Variants in CCDC134 observed in about 807,000 individuals in gnomAD.
CCDC134 encodes the protein coiled-coil domain containing 134.
Under a neutral mutation model 25.6 loss-of-function variants are expected in CCDC134, and 27 were observed. That is an observed-to-expected ratio of 1.05 (90% CI 0.78 to 1.45). The LOEUF is 1.45. CCDC134 is among the 40% of genes most tolerant of loss of function. The pLI is 0.00. For missense variants in CCDC134, 261 were observed against 286.7 expected (o/e 0.91, Z 0.65); for synonymous variants, 110 against 115.0 (o/e 0.96, Z 0.28).
At chr22:41,812,346 C>T (rs941296179) in intron 4 of CCDC134, among the ~76,000 whole-genome samples, 11 of 150,452 alleles carry the variant, frequency 7.3e-5, no homozygotes, top group Admixed American at 2.7e-4. Context: ...CACTTGAACC[C>T]GCGAGGCGGA....
chr22:41,806,130 A>G (rs2076566223), intron 1 of CCDC134, among the ~76,000 whole-genome samples: 1 of 152,042 alleles, frequency 6.6e-6, no homozygotes, highest in South Asian at 2.1e-4. Context: ...TCTGATTGCA[A>G]ATGCTCTTAG....
chr22:41,821,065 T>C (rs1346645968), intron 6 of CCDC134, among the ~76,000 whole-genome samples: 3 of 152,056 alleles, frequency 2.0e-5, no homozygotes, highest in Non-Finnish European at 4.4e-5. Flanking sequence ...ACCCAAGAGT[T>C]TCCCAGAGGC....
chr22:41,810,499 T>A (rs2076590157), intron 4 of CCDC134, among the ~76,000 whole-genome samples: 1 of 138,788 alleles, frequency 7.2e-6, no homozygotes, highest in Non-Finnish European at 1.6e-5. Flanking sequence ...CTTTTTTTTT[T>A]TTTTTTTTTT....
At chr22:41,818,947 G>A (rs2076635425) in intron 6 of CCDC134, among the ~76,000 whole-genome samples, 1 of 152,180 alleles carries the variant, frequency 6.6e-6, no homozygotes, top group African/African-American at 2.4e-5. Context: ...GCAGGAGGAG[G>A]GTGACAGCAT....
chr22:41,827,570 A>G lies in CCDC134; in HGVS notation c.*1747A>G, dbSNP rs760670701. On this transcript the variant is annotated 3_prime_UTR_variant, in exon 7 of 7. Transcript: ENST00000255784. ...TAGGGACTCAAGGGGCCCGTTACAG[A>G]ATTTTTGGGAGTAAATACCCACTAG... 6.6e-6 allele frequency among the ~76,000 whole-genome samples: 1 copy of G among 152,176 alleles called. No homozygotes were observed. The highest frequency in any genetic ancestry group is 1.5e-5 in the Non-Finnish European group (1 of 68,036).
rs2076688193 is a variant in CCDC134 at position 41,828,105 on chromosome 22, C to G, written c.*2282C>G. Among the ~76,000 whole-genome samples, 1 of 152,138 alleles carries G rather than the reference C, an allele frequency of 6.6e-6. No individual in the cohort carries two copies. The highest frequency in any genetic ancestry group is 2.1e-4 in the South Asian group (1 of 4,832). ...ACTGAATAACTTCTACGGGCTCTGT[C>G]ATTAGCAGGATTTGTATAATTTGAA... On this transcript the variant is annotated 3_prime_UTR_variant, in exon 7 of 7. Coordinates refer to ENST00000255784, the MANE Select transcript of CCDC134 (RefSeq NM_024821.5).
At chr22:41,821,645 G>A (rs903210886) in intron 6 of CCDC134, among the ~76,000 whole-genome samples, 2 of 152,176 alleles carry the variant, frequency 1.3e-5, no homozygotes, top group African/African-American at 4.8e-5. Flanking sequence ...GACCACAGCA[G>A]GCTTGCACTA....
chr22:41,813,066 A>AT (rs1403292607), intron 4 of CCDC134, among the ~76,000 whole-genome samples, 198 bp from the exon 5 acceptor site: 3 of 152,210 alleles, frequency 2.0e-5, no homozygotes, highest in African/African-American at 7.2e-5. Flanking sequence ...AAAAGTGGTT[A>AT]TGAGGACTCA....
At chr22:41,809,640 G>A (rs775604808) in intron 2 of CCDC134, among the ~76,000 whole-genome samples, 12 of 152,188 alleles carry the variant, frequency 7.9e-5, no homozygotes, top group Non-Finnish European at 1.6e-4. Flanking sequence ...GGGAAGGCAG[G>A]AGCCAGGTCT....
chr22:41,823,823 G>C (rs2076663527), intron 6 of CCDC134, among the ~76,000 whole-genome samples: 1 of 152,168 alleles, frequency 6.6e-6, no homozygotes, highest in East Asian at 1.9e-4. Context: ...AGAAATTGGA[G>C]TACCCAGAGA....
At chr22:41,801,188 C>G (rs1470421707) in intron 1 of CCDC134, among the ~76,000 whole-genome samples, 1 of 152,212 alleles carries the variant, frequency 6.6e-6, no homozygotes, top group Non-Finnish European at 1.5e-5. Flanking sequence ...TCCTTGGCCC[C>G]TAAAGTTTTG....
intron 2 of CCDC134, 102 bp from the exon 3 acceptor site, chr22:41,809,777 C>G (rs1477935471): frequency 2.7e-6 from 4 of 1,495,168 alleles, no homozygotes; most frequent in Non-Finnish European, 3.6e-6. Context: ...GTCCATGGCC[C>G]TTGCAGATAC....
intron 6 of CCDC134, among the ~76,000 whole-genome samples, chr22:41,821,114 G>A (rs1480697237): frequency 9.9e-5 from 15 of 152,106 alleles, no homozygotes; most frequent in Admixed American, 8.5e-4. Context: ...GGGAGCGATC[G>A]GTGTGTCAGA....
At chr22:41,816,756 A>G in intron 6 of CCDC134, among the ~76,000 whole-genome samples, 1 of 152,118 alleles carries the variant, frequency 6.6e-6, no homozygotes, top group Non-Finnish European at 1.5e-5. Context: ...CGTCTCTACT[A>G]AAAATACAAA....
chr22:41,814,423 C>T (rs1416983695), intron 6 of CCDC134, among the ~76,000 whole-genome samples: 2 of 152,130 alleles, frequency 1.3e-5, no homozygotes, highest in East Asian at 3.9e-4. Flanking sequence ...AAAAACTGGC[C>T]AGGCGTGGTG....
chr22:41,822,216 T>C (rs2076655941), intron 6 of CCDC134, among the ~76,000 whole-genome samples: 4 of 151,968 alleles, frequency 2.6e-5, no homozygotes, highest in Admixed American at 2.6e-4. Flanking sequence ...AACAACAAGC[T>C]TAGGAGTTTG....
chr22:41,821,859 G>T (rs1179933764), intron 6 of CCDC134, among the ~76,000 whole-genome samples: 1 of 152,172 alleles, frequency 6.6e-6, no homozygotes, highest in Non-Finnish European at 1.5e-5. Context: ...TGGTGGGTGT[G>T]GTGGTCGAGC....
rs767192822 is a variant in CCDC134 at position 41,825,845 on chromosome 22, A to AG, written c.*27dup. ...ATAGCCCTGGAGCAGCTCAGGGCTC[A>AG]GGGGGCCACAAGGAGGCAGGTCGGG... On this transcript the variant is annotated 3_prime_UTR_variant, in exon 7 of 7. Coordinates refer to ENST00000255784, the MANE Select transcript of CCDC134 (RefSeq NM_024821.5). The surrounding 1 kb of genome is among the most constrained non-coding windows in gnomAD (Gnocchi z 4.4). 28 of 1,612,272 alleles carry AG rather than the reference A, an allele frequency of 1.7e-5. No individual in the cohort carries two copies. Among genetic ancestry groups the AG allele is most frequent in the Non-Finnish European group, 2.4e-5 (28 of 1,178,836 alleles).
At chr22:41,808,572 C>T (rs1174227744) in intron 1 of CCDC134, among the ~76,000 whole-genome samples, 1 of 152,180 alleles carries the variant, frequency 6.6e-6, no homozygotes, top group Non-Finnish European at 1.5e-5. Flanking sequence ...GCAAGCTGCT[C>T]GAGGTCCCAG....
Sources: allele counts gnomAD v4.1 joint callset (sites outside exome capture counted in the v4.1 genomes callset), GRCh38; gene constraint gnomAD v4.1.1; non-coding constraint Gnocchi (gnomAD v3.1); transcripts MANE v1.5; gene names NCBI Gene and HGNC (gene_info 2026-07-23, HGNC 2026-07-21).